Variants in IKBKG observed in about 807,000 individuals in gnomAD.
The protein encoded by IKBKG is NF-kappa-B essential modulator.
A neutral mutation model predicts 13.7 loss-of-function variants in IKBKG; 2 were observed. That is an observed-to-expected ratio of 0.15 (90% CI 0.06 to 0.46). The LOEUF (loss-of-function observed/expected upper bound fraction) is 0.46, where lower values mean the gene tolerates loss of function less well. Among genes scored for constraint, IKBKG ranks in the 20% least tolerant of loss-of-function variants. IKBKG has a pLI of 0.98. For synonymous variants in IKBKG, 22 were observed against 64.4 expected (o/e 0.34, Z 3.15); for missense variants, 53 against 150.3 (o/e 0.35, Z 3.39).
intron 1 of IKBKG, 159 bp downstream of exon 1, chrX:154,547,904 C>T: frequency 4.0e-6 from 3 of 755,009 alleles, no homozygotes; most frequent in Non-Finnish European, 4.7e-6. Context: ...ATTCAGGACC[C>T]AGGTTACTTG....
At chrX:154,553,335 C>T (rs1411821666) in intron 2 of IKBKG, among the ~76,000 whole-genome samples, 3 of 112,642 alleles carry the variant, frequency 2.7e-5, no homozygotes, top group Non-Finnish European at 5.6e-5. Context: ...GACTGTGGTC[C>T]GAGATGTTAT....
intron 1 of IKBKG, 85 bp downstream of exon 1, chrX:154,547,830 C>A: frequency 1.3e-6 from 1 of 755,113 alleles, no homozygotes; most frequent in African/African-American, 2.3e-5. Context: ...CAGGCTCCCC[C>A]CTCTTTTTTG....
intron 1 of IKBKG, among the ~76,000 whole-genome samples, chrX:154,541,879 C>T (rs782600919): frequency 7.5e-4 from 84 of 112,192 alleles, no homozygotes; most frequent in African/African-American, 2.7e-3. Context: ...TGGTAGAGCA[C>T]GATGCCTGCT....
At chrX:154,548,373 C>T (rs1169344754) in intron 1 of IKBKG, among the ~76,000 whole-genome samples, 9 of 111,561 alleles carry the variant, frequency 8.1e-5, no homozygotes, top group Non-Finnish European at 1.1e-4. Context: ...GGAATGTGAT[C>T]GGAATTACGT....
upstream of IKBKG, among the ~76,000 whole-genome samples, chrX:154,544,291 A>C: frequency 9.0e-6 from 1 of 110,652 alleles, no homozygotes; most frequent in East Asian, 2.8e-4. Context: ...CCTACTGAGT[A>C]GCTGGGACTA....
chrX:154,547,148 C>T (rs1034834324), upstream of IKBKG: 14 of 163,499 alleles, frequency 8.6e-5, no homozygotes, highest in Admixed American at 1.2e-3. Flanking sequence ...GCCGGCCCGG[C>T]CCCGCCCCTA....
chrX:154,549,981 T>C (rs782230765), intron 1 of IKBKG, among the ~76,000 whole-genome samples: 5 of 112,253 alleles, frequency 4.5e-5, no homozygotes, highest in Non-Finnish European at 9.4e-5. Context: ...TGAGTAATGC[T>C]GCTACAAGCA....
chrX:154,551,876 C>A, intron 1 of IKBKG, 112 bp from the exon 2 acceptor site: 1 of 558,861 alleles, frequency 1.8e-6, no homozygotes, highest in Non-Finnish European at 2.6e-6. Context: ...TCCTGATACA[C>A]TAGGTGAATT....
upstream of IKBKG, among the ~76,000 whole-genome samples, chrX:154,544,201 C>T (rs2070617884): frequency 9.7e-6 from 1 of 102,898 alleles, no homozygotes; most frequent in African/African-American, 3.6e-5. Flanking sequence ...CTCGCTCTGT[C>T]GCCAGGCTGG....
At chrX:154,542,330 C>T (rs782518380) in exon 2 of IKBKG, 1 of 1,193,703 alleles carries the variant, frequency 8.4e-7, no homozygotes, top group South Asian at 1.8e-5. Context: ...GACTATCAAT[C>T]CCAGTCTCTT....
upstream of IKBKG, among the ~76,000 whole-genome samples, chrX:154,546,534 G>A (rs1463772518): frequency 5.4e-5 from 6 of 111,499 alleles, no homozygotes; most frequent in Non-Finnish European, 9.4e-5. Context: ...CTGGAGCATG[G>A]GAGATGGTGC....
chrX:154,545,366 G>T (rs181963696), upstream of IKBKG, among the ~76,000 whole-genome samples: 3 of 111,972 alleles, frequency 2.7e-5, no homozygotes, highest in East Asian at 8.4e-4. Flanking sequence ...AAGAGGCAGA[G>T]ATCAGGCCTC....
chrX:154,545,409 A>C (rs1437132883), upstream of IKBKG, among the ~76,000 whole-genome samples: 2 of 112,129 alleles, frequency 1.8e-5, no homozygotes, highest in Non-Finnish European at 3.8e-5. Flanking sequence ...TTGTTAAGGC[A>C]TGAACAGGTC....
chrX:154,546,778 C>A (rs1223111416), upstream of IKBKG: 10 of 1,153,264 alleles, frequency 8.7e-6, no homozygotes, highest in African/African-American at 3.6e-5. Context: ...GGCGCCCGCC[C>A]GGCCGGTTAC....
At chrX:154,554,944 A>G (rs1390098882) in intron 2 of IKBKG, among the ~76,000 whole-genome samples, 4 of 111,065 alleles carry the variant, frequency 3.6e-5, no homozygotes, top group African/African-American at 9.8e-5. Context: ...ACCTTGGCAC[A>G]TCACTTATCA....
intron 1 of IKBKG, among the ~76,000 whole-genome samples, chrX:154,551,076 T>C (rs1164223756): frequency 1.8e-5 from 2 of 109,012 alleles, no homozygotes; most frequent in Non-Finnish European, 3.8e-5. Flanking sequence ...CCTCCCAAAG[T>C]GCTGGGATTA....
intron 2 of IKBKG, among the ~76,000 whole-genome samples, chrX:154,555,429 A>G (rs1238150797): frequency 8.9e-6 from 1 of 112,764 alleles, no homozygotes; most frequent in African/African-American, 3.2e-5. Context: ...GCATAAGGCC[A>G]GGCACAGTGG....
chrX:154,546,754 T>G (rs1207258465), upstream of IKBKG: 10 of 1,094,972 alleles, frequency 9.1e-6, no homozygotes, highest in Admixed American at 2.6e-4. Flanking sequence ...GACAGTACGC[T>G]CCTCCGCCTG....
chrX:154,548,390 C>T (rs1270990905), intron 1 of IKBKG, among the ~76,000 whole-genome samples: 1 of 112,105 alleles, frequency 8.9e-6, no homozygotes, highest in African/African-American at 3.2e-5. Context: ...ACGTCTTACA[C>T]TGATCGTTCT....
Sources: gnomAD v4.1 joint callset for allele counts (sites outside exome capture counted in the v4.1 genomes callset) on GRCh38, gnomAD v4.1.1 for gene constraint, MANE v1.5 for transcripts, NCBI Gene and HGNC (gene_info 2026-07-23, HGNC 2026-07-21) for gene names.